LEPR: variants seen among roughly 807,000 people sequenced by gnomAD.
LEPR encodes the protein leptin receptor.
Under a neutral mutation model 114.7 loss-of-function variants are expected in LEPR, and 56 were observed. That is an observed-to-expected ratio of 0.49 (90% CI 0.39 to 0.61). The LOEUF (loss-of-function observed/expected upper bound fraction) is 0.61, where lower values mean the gene tolerates loss of function less well. Ranked by LOEUF, LEPR falls within the 20% of genes least tolerant of loss-of-function variation. The probability of loss-of-function intolerance (pLI) is 0.00; values close to 1 mark genes in which losing one functional copy is unlikely to be tolerated. For missense variants in LEPR, 1,202 were observed against 1,352.9 expected (o/e 0.89, Z 1.75); for synonymous variants, 443 against 461.4 (o/e 0.96, Z 0.51).
At chr1:65,443,756 A>G (rs1181204799) in intron 2 of LEPR, among the ~76,000 whole-genome samples, 1 of 152,094 alleles carries the variant, frequency 6.6e-6, no homozygotes, top group Non-Finnish European at 1.5e-5. Flanking sequence ...TCTTTGGCGT[A>G]TTTTCAGTTG....
intron 19 of LEPR, among the ~76,000 whole-genome samples, chr1:65,628,128 A>C (rs545909307): frequency 6.6e-6 from 1 of 152,190 alleles, no homozygotes; most frequent in Admixed American, 6.5e-5. Context: ...TAAAACCACT[A>C]TATGCCAGAC....
At chr1:65,558,520 TCAGAAGTTTTTTTTTTTG>T (rs1653008983) in intron 2 of LEPR, among the ~76,000 whole-genome samples, 2 of 33,140 alleles carry the variant, frequency 6.0e-5, no homozygotes, top group African/African-American at 1.5e-4. Context: ...TTTTTTTGAA[TCAGAAGTTTTTTTTTTTG>T]TTTTTTTTTT....
intron 1 of LEPR, among the ~76,000 whole-genome samples, chr1:65,422,901 ACTGT>A (rs965148118): frequency 3.0e-4 from 46 of 152,284 alleles, no homozygotes; most frequent in Admixed American, 9.1e-4. Context: ...TTGAAAGATC[ACTGT>A]CTGCTGTGTA....
At chr1:65,508,750 T>C (rs905057943) in intron 2 of LEPR, among the ~76,000 whole-genome samples, 1 of 152,162 alleles carries the variant, frequency 6.6e-6, no homozygotes, top group African/African-American at 2.4e-5. Context: ...TGGTAGGGAT[T>C]GCAATGACTC....
In LEPR at chr1:65,609,947, A is replaced by G; in HGVS notation, c.1753A>G (p.Met585Val). The G allele has an allele frequency of 1.2e-6, 2 of 1,614,152 alleles. No individual in the cohort carries two copies. Among genetic ancestry groups the G allele is most frequent in the Non-Finnish European group, 1.7e-6 (2 of 1,179,980 alleles). Residue 585 changes from methionine (M) to valine (V), a missense_variant and splice_region_variant, in exon 13 of 20, where the codon ATG becomes GTG. By Grantham distance (21) the Met-to-Val change is conservative. Coordinates refer to ENST00000349533, the MANE Select transcript of LEPR (RefSeq NM_002303.6). Reference protein sequence around the residue: ...GLSGKEVQWKMYEVYDAKSKS... With the variant: ...GLSGKEVQWKVYEVYDAKSKS... ...TCTAATGCTTTGACTTATTTTACAG[A>G]TGTATGAGGTTTATGATGCAAAATC...
At chr1:65,477,312 G>A (rs1192592873) in intron 2 of LEPR, among the ~76,000 whole-genome samples, 1 of 152,142 alleles carries the variant, frequency 6.6e-6, no homozygotes, top group African/African-American at 2.4e-5. Context: ...ATACTAGAAT[G>A]TCAGCTCCAT....
intron 2 of LEPR, among the ~76,000 whole-genome samples, chr1:65,486,121 CAGAT>C (rs1265353274): frequency 3.9e-5 from 6 of 152,156 alleles, no homozygotes; most frequent in South Asian, 2.1e-4. Flanking sequence ...AATCTACTAA[CAGAT>C]AGTTCATTCA....
intron 2 of LEPR, chr1:65,434,068 G>GCTA: frequency 1.0e-6 from 1 of 985,246 alleles, no homozygotes; most frequent in South Asian, 4.7e-5. Flanking sequence ...AACCAAGGTA[G>GCTA]CCTTCATATG....
chr1:65,432,526 A>G, intron 2 of LEPR: 1 of 773,282 alleles, frequency 1.3e-6, no homozygotes, highest in African/African-American at 1.9e-5. Context: ...TCCAGTGGCT[A>G]AACCACTTAA....
At chr1:65,489,210 TG>T (rs1647737748) in intron 2 of LEPR, among the ~76,000 whole-genome samples, 1 of 152,216 alleles carries the variant, frequency 6.6e-6, no homozygotes, top group African/African-American at 2.4e-5. Flanking sequence ...CCATAGTGGC[TG>T]TACTAATTGA....
chr1:65,519,840 CAA>C (rs202041320), intron 2 of LEPR, among the ~76,000 whole-genome samples: 2 of 149,810 alleles, frequency 1.3e-5, no homozygotes, highest in African/African-American at 4.9e-5. Context: ...GGCTAATTTA[CAA>C]AAAAAAATGT....
At chr1:65,520,064 C>T (rs570876591) in intron 2 of LEPR, among the ~76,000 whole-genome samples, 7 of 152,168 alleles carry the variant, frequency 4.6e-5, no homozygotes, top group South Asian at 2.1e-4. Context: ...GGGGTTTCAC[C>T]GTGTTAGCCA....
chr1:65,455,782 G>A (rs1370719420), intron 2 of LEPR, among the ~76,000 whole-genome samples: 2 of 152,248 alleles, frequency 1.3e-5, no homozygotes, highest in African/African-American at 4.8e-5. Context: ...GAGGCAGGCA[G>A]GCCTCTTTGA....
chr1:65,425,715 G>T (rs551243434), intron 2 of LEPR, among the ~76,000 whole-genome samples: 9 of 152,240 alleles, frequency 5.9e-5, no homozygotes, highest in Non-Finnish European at 1.2e-4. Flanking sequence ...GGCAGCTGCA[G>T]TGGAGATGCC....
intron 5 of LEPR, among the ~76,000 whole-genome samples, chr1:65,583,786 C>G (rs1221556607): frequency 6.6e-6 from 1 of 151,810 alleles, no homozygotes; most frequent in African/African-American, 2.4e-5. Flanking sequence ...TCAATAGAAA[C>G]AGACCCGGAA....
intron 2 of LEPR, among the ~76,000 whole-genome samples, chr1:65,510,958 G>A (rs1367249572): frequency 6.6e-6 from 1 of 152,106 alleles, no homozygotes; most frequent in Non-Finnish European, 1.5e-5. Flanking sequence ...TGGGGGAGGA[G>A]CAATAGACAC....
At position 65,611,357 on chromosome 1, in the gene LEPR, C is replaced by T. The variant is rs934782052; in HGVS notation, c.1995+1061C>T. On this transcript the variant is annotated intron_variant, in intron 14 of 19. Transcript: ENST00000349533. ...CCTGTATTCTGAGAGATTGAGTGGG[C>T]GGTTGAACCCACCGCGGAAGGGGGC... Among the ~76,000 whole-genome samples the T allele has an allele frequency of 4.6e-5, 7 of 152,234 alleles. No homozygotes were observed. The East Asian group carries it at 5.8e-4, about 13-fold the overall frequency.
chr1:65,473,196 G>A (rs987563609), intron 2 of LEPR, among the ~76,000 whole-genome samples: 1 of 152,176 alleles, frequency 6.6e-6, no homozygotes, highest in African/African-American at 2.4e-5. Flanking sequence ...TGGCAGGCAG[G>A]GATCATCCTG....
chr1:65,598,718 C>A lies in LEPR; in HGVS notation c.908C>A (p.Ser303Ter). The stretch of plus-strand genomic sequence containing the variant: ...GTAGACAGTATACTTCCTGGGTCTT[C>A]GTATGAGGTTCAGGTGAGGGGCAAG... ...LLVDSILPGSSYEVQVRGKRL... is the reference protein window; with the variant it reads ...LLVDSILPGS The change falls in exon 8 of 20, where the codon TCG (serine) becomes TAG (stop). Residue 303 changes from serine (S) to a stop codon, truncating the protein, a stop_gained. Coordinates refer to ENST00000349533, the MANE Select transcript of LEPR (RefSeq NM_002303.6). LOFTEE classifies it high-confidence loss of function. 1 of 1,613,440 alleles carries A rather than the reference C, an allele frequency of 6.2e-7. No individual in the cohort carries two copies. The highest frequency in any genetic ancestry group is 8.5e-7 in the Non-Finnish European group (1 of 1,179,606).
Sources: allele counts gnomAD v4.1 joint callset (sites outside exome capture counted in the v4.1 genomes callset), GRCh38; gene constraint gnomAD v4.1.1; transcripts MANE v1.5; gene names NCBI Gene and HGNC (gene_info 2026-07-23, HGNC 2026-07-21).